TESPA1: variants seen among roughly 807,000 people sequenced by gnomAD.
The protein encoded by TESPA1 is thymocyte expressed, positive selection associated 1.
In TESPA1, 33 loss-of-function variants were observed where a neutral mutation model predicts 57.9. That is an observed-to-expected ratio of 0.57 (90% CI 0.43 to 0.76). The LOEUF (loss-of-function observed/expected upper bound fraction) is 0.76, where lower values mean the gene tolerates loss of function less well. TESPA1 is among the 30% of genes least tolerant of loss of function. TESPA1 has a pLI of 0.00. For synonymous variants in TESPA1, 227 were observed against 228.9 expected (o/e 0.99, Z 0.07); for missense variants, 618 against 632.9 (o/e 0.98, Z 0.25).
intron 10 of TESPA1, among the ~76,000 whole-genome samples, chr12:54,951,118 T>C (rs1358547804): frequency 6.6e-6 from 1 of 152,214 alleles, no homozygotes; most frequent in East Asian, 1.9e-4. Flanking sequence ...TCATGTTGAA[T>C]TGTGATCCTG....
chr12:54,971,915 G>A (rs1951856188), intron 3 of TESPA1, among the ~76,000 whole-genome samples: 1 of 151,940 alleles, frequency 6.6e-6, no homozygotes, highest in African/African-American at 2.4e-5. Context: ...TGGAATTATA[G>A]GTAGGTATAA....
intron 1 of TESPA1, among the ~76,000 whole-genome samples, chr12:54,981,601 C>G (rs1952327003): frequency 6.6e-6 from 1 of 151,958 alleles, no homozygotes; most frequent in South Asian, 2.1e-4. Context: ...TTCTTTCTTA[C>G]CTAATTCCCA....
intron 10 of TESPA1, among the ~76,000 whole-genome samples, chr12:54,954,702 A>G (rs890396968): frequency 6.6e-6 from 1 of 151,820 alleles, no homozygotes; most frequent in African/African-American, 2.4e-5. Flanking sequence ...ATTGTCTCAT[A>G]TAAGTCTTAT....
rs71070858 is a variant in TESPA1 at position 54,969,046 on chromosome 12, T to TATAC, written c.207-1155_207-1154insGTAT. ...GTATATATATATATATATATATATA[T>TATAC]GTGTGTGTGTAGATAGATAGATATA... On this transcript the variant is annotated intron_variant, in intron 3 of 10. Coordinates refer to ENST00000449076, the MANE Select transcript of TESPA1 (RefSeq NM_001136030.3). Among the ~76,000 whole-genome samples the TATAC allele has an allele frequency of 4.2e-3, 519 of 124,468 alleles. 28 individuals are homozygous for TATAC. In the East Asian group the frequency reaches 0.055, roughly 13 times the overall value. 81.7% of individuals were successfully genotyped at this position (124,468 alleles called of 152,430 possible).
At chr12:54,967,487 T>C (rs1382822278) in intron 4 of TESPA1, among the ~76,000 whole-genome samples, 1 of 151,830 alleles carries the variant, frequency 6.6e-6, no homozygotes, top group Non-Finnish European at 1.5e-5. Flanking sequence ...CTATATCACA[T>C]AGTTATGTAC....
At chr12:54,977,304 T>C (rs1952171697) in intron 1 of TESPA1, among the ~76,000 whole-genome samples, 1 of 152,160 alleles carries the variant, frequency 6.6e-6, no homozygotes, top group African/African-American at 2.4e-5. Flanking sequence ...AGGAGCCCAG[T>C]GCCTTCCAGA....
intron 1 of TESPA1, among the ~76,000 whole-genome samples, chr12:54,976,226 A>G (rs1175799792): frequency 3.3e-5 from 5 of 152,202 alleles, no homozygotes; most frequent in Non-Finnish European, 5.9e-5. Flanking sequence ...TTACCCTGGT[A>G]TTTAGAGCTT....
At chr12:54,984,442 G>A (rs1952425000) in intron 1 of TESPA1, 143 bp downstream of exon 1, 1 of 152,214 alleles carries the variant, frequency 6.6e-6, no homozygotes, top group African/African-American at 2.4e-5. Flanking sequence ...ATGCTTTTAA[G>A]GTTGAAGTAA....
intron 7 of TESPA1, among the ~76,000 whole-genome samples, chr12:54,965,656 A>G (rs1371133928): frequency 6.6e-6 from 1 of 152,104 alleles, no homozygotes; most frequent in African/African-American, 2.4e-5. Flanking sequence ...ATCTTTTTCA[A>G]ATTCCATACA....
Position 54,979,789 on chromosome 12 carries a change from C to T in TESPA1, c.-46+4796G>A, listed in dbSNP as rs553016710. ...GTAGAGGTATGTCATAATTATGACT[C>T]GAAGAATATCGCCTATTTCTAGTCT... On this transcript the variant is annotated intron_variant, in intron 1 of 10. Transcript: ENST00000449076. 1.3e-4 allele frequency among the ~76,000 whole-genome samples: 20 copies of T among 152,168 alleles called. No individual in the cohort carries two copies. The East Asian group carries it at 2.7e-3, about 21-fold the overall frequency.
intron 2 of TESPA1, chr12:54,974,079 T>C (rs1952013539): frequency 6.4e-6 from 2 of 310,524 alleles, no homozygotes; most frequent in Non-Finnish European, 1.0e-5. Context: ...CCAGCTTGGG[T>C]GTGGTCTTGT....
chr12:54,980,233 A>G (rs1304745587), intron 1 of TESPA1, among the ~76,000 whole-genome samples: 1 of 152,370 alleles, frequency 6.6e-6, no homozygotes, highest in Middle Eastern at 3.4e-3. Context: ...AGCACCATAA[A>G]CACAATGTAA....
At chr12:54,984,398 G>A (rs977179803) in intron 1 of TESPA1, among the ~76,000 whole-genome samples, 187 bp downstream of exon 1, 1 of 152,144 alleles carries the variant, frequency 6.6e-6, no homozygotes, top group African/African-American at 2.4e-5. Flanking sequence ...AAGCAAAAGG[G>A]CACCCAGCAT....
Position 54,970,644 on chromosome 12 carries a change from C to T in TESPA1, c.207-2752G>A, listed in dbSNP as rs1463362929. On this transcript the variant is annotated intron_variant, in intron 3 of 10. Transcript: ENST00000449076. ...AAGTCCCAGGCCTTCCATGGGTTAT[C>T]GGATAGGCCATAAAATCAATGACCA... Among the ~76,000 whole-genome samples the T allele has an allele frequency of 4.6e-5, 7 of 152,220 alleles. No individual in the cohort carries two copies. The South Asian group carries it at 8.3e-4, about 18-fold the overall frequency.
At chr12:54,962,388 A>G (rs367797558) in intron 9 of TESPA1, 43 bp downstream of exon 9, 5 of 1,582,786 alleles carry the variant, frequency 3.2e-6, no homozygotes, top group Non-Finnish European at 4.3e-6. Flanking sequence ...AAGAATCTAC[A>G]GCCTTTCTCT....
In TESPA1 at chr12:54,969,021, G is replaced by GTGTGTGTATATATATATATATATATA. The variant is rs370590552; in HGVS notation, c.207-1130_207-1129insTATATATATATATATATATACACACA. On this transcript the variant is annotated intron_variant, in intron 3 of 10. Transcript: ENST00000449076. The stretch of plus-strand genomic sequence containing the variant: ...AATAAGTCACTACATATTTATATAT[G>GTGTGTGTATATATATATATATATATA]TATATATATATATATATATATATAT... 1.9e-3 allele frequency among the ~76,000 whole-genome samples: 159 copies of GTGTGTGTATATATATATATATATATA among 83,526 alleles called. 5 individuals are homozygous for GTGTGTGTATATATATATATATATATA. In the East Asian group the frequency reaches 0.033, roughly 17 times the overall value. 54.8% of individuals were successfully genotyped at this position (83,526 alleles called of 152,430 possible).
chr12:54,960,139 T>A (rs1286760670), intron 10 of TESPA1, among the ~76,000 whole-genome samples: 1 of 152,212 alleles, frequency 6.6e-6, no homozygotes, highest in African/African-American at 2.4e-5. Flanking sequence ...AAGCAAGATT[T>A]ATTTACTTAA....
chr12:54,960,037 T>G (rs1166075188), intron 10 of TESPA1, among the ~76,000 whole-genome samples: 3 of 152,208 alleles, frequency 2.0e-5, no homozygotes. Context: ...TCTGAGCAAG[T>G]ACCACTGAAA....
chr12:54,984,821 G>C (rs1248344255), upstream of TESPA1: 2 of 152,434 alleles, frequency 1.3e-5, no homozygotes, highest in East Asian at 3.8e-4. Context: ...TCCTGGCCCA[G>C]CCACATCCTT....
Sources: gnomAD v4.1 joint callset for allele counts (sites outside exome capture counted in the v4.1 genomes callset) on GRCh38, gnomAD v4.1.1 for gene constraint, MANE v1.5 for transcripts, NCBI Gene and HGNC (gene_info 2026-07-23, HGNC 2026-07-21) for gene names.